ANO6: variants seen among roughly 807,000 people sequenced by gnomAD.
ANO6 encodes the protein anoctamin 6, also known as anoctamin-6.
In ANO6, 106 loss-of-function variants were observed where a neutral mutation model predicts 117.5. The ratio of observed to expected loss-of-function variants is 0.90; its 90% CI spans 0.77 to 1.06. ANO6 has a LOEUF of 1.06. ANO6 is among the 50% of genes least tolerant of loss of function. ANO6 has a pLI of 0.00. For synonymous variants in ANO6, 367 were observed against 385.1 expected, an observed-to-expected ratio of 0.95 and a Z score of 0.55; for missense variants, 955 against 1,121.1, an observed-to-expected ratio of 0.85 and a Z score of 2.12.
At chr12:45,427,050 C>T (rs1013185023) in intron 19 of ANO6, among the ~76,000 whole-genome samples, 1 of 152,032 alleles carries the variant, frequency 6.6e-6, no homozygotes, top group Non-Finnish European at 1.5e-5. Context: ...CTCCCATCCA[C>T]AGTATTTCCC....
intron 1 of ANO6, among the ~76,000 whole-genome samples, chr12:45,216,943 C>T (rs1011204324): frequency 6.6e-6 from 1 of 152,156 alleles, no homozygotes; most frequent in African/African-American, 2.4e-5. Flanking sequence ...CCTTTCCCAT[C>T]TGCGGAGCCC....
chr12:45,405,201 G>GT (rs1942900506), intron 15 of ANO6, among the ~76,000 whole-genome samples: 1 of 151,800 alleles, frequency 6.6e-6, no homozygotes, highest in African/African-American at 2.4e-5. Flanking sequence ...AAATAGTACT[G>GT]TGTTTCTAGA....
chr12:45,234,337 T>TTC (rs1189746154), intron 1 of ANO6, among the ~76,000 whole-genome samples: 1 of 151,986 alleles, frequency 6.6e-6, no homozygotes, highest in African/African-American at 2.4e-5. Flanking sequence ...GTTTGCAGAC[T>TTC]CTCCCTATGT....
intron 1 of ANO6, among the ~76,000 whole-genome samples, chr12:45,232,854 T>C (rs1947594008): frequency 1.3e-5 from 2 of 152,212 alleles, no homozygotes; most frequent in African/African-American, 4.8e-5. Flanking sequence ...CAGTTTAGCA[T>C]AATTATCTTC....
intron 1 of ANO6, among the ~76,000 whole-genome samples, chr12:45,246,197 A>T (rs1343942578): frequency 6.6e-6 from 1 of 152,186 alleles, no homozygotes. Flanking sequence ...TATAATAGGA[A>T]TGAATAAAAA....
intron 1 of ANO6, among the ~76,000 whole-genome samples, chr12:45,231,709 A>G (rs1223888387): frequency 1.3e-5 from 2 of 152,210 alleles, no homozygotes; most frequent in Non-Finnish European, 2.9e-5. Context: ...ATTTAAATTT[A>G]AATAGTACTT....
chr12:45,316,333 T>A (rs1200438079), intron 2 of ANO6, among the ~76,000 whole-genome samples: 1 of 151,982 alleles, frequency 6.6e-6, no homozygotes. Flanking sequence ...AGAAGTGACA[T>A]TTAAGGAGAA....
intron 9 of ANO6, 84 bp downstream of exon 9, chr12:45,367,877 T>G (rs1941726876): frequency 2.0e-6 from 2 of 1,010,234 alleles, no homozygotes; most frequent in Non-Finnish European, 3.1e-6. Flanking sequence ...GTATTGTATC[T>G]TTTTTCCTCT....
chr12:45,316,872 AAATAG>A (rs1940045892), intron 2 of ANO6, among the ~76,000 whole-genome samples: 1 of 150,656 alleles, frequency 6.6e-6, no homozygotes, highest in African/African-American at 2.4e-5. Context: ...TTCACACTCT[AAATAG>A]AAAAGTATCG....
In ANO6 at chr12:45,431,265, C is replaced by T. The variant is rs1331826744; in HGVS notation, c.*1954C>T. 2 of 985,268 alleles carry T rather than the reference C, an allele frequency of 2.0e-6. No homozygotes were observed. Among genetic ancestry groups the T allele is most frequent in the Admixed American group, 6.2e-5 (1 of 16,250 alleles). The allele number at this position is 985,268 out of a possible 1,614,324, so 61.0% of individuals were successfully genotyped here. A position where few individuals can be genotyped will look rare whatever the true frequency, so the allele number is the denominator to read the frequency against. On this transcript the variant is annotated 3_prime_UTR_variant, in exon 20 of 20. Coordinates refer to ENST00000320560, the MANE Select transcript of ANO6 (RefSeq NM_001025356.3). ...TCATTCGCAGCCAAGACGGGAGTGCCACTGTTCCTCTCTTCACTCCTGAGA... is the reference window on the plus strand; with the variant it reads ...TCATTCGCAGCCAAGACGGGAGTGCTACTGTTCCTCTCTTCACTCCTGAGA...
At chr12:45,401,743 A>G in intron 12 of ANO6, 52 bp from the exon 13 acceptor site, 1 of 1,429,212 alleles carries the variant, frequency 7.0e-7, no homozygotes, top group Non-Finnish European at 9.9e-7. Context: ...TTTTAATAGT[A>G]CAAGTGCAGT....
chr12:45,352,727 C>CAAAAAAAA lies in ANO6; in HGVS notation c.863+1962_863+1969dup, dbSNP rs34198115. 3.8e-3 allele frequency among the ~76,000 whole-genome samples: 453 copies of CAAAAAAAA among 118,112 alleles called. 2 individuals carry two copies. The highest frequency in any genetic ancestry group is 0.011 in the African/African-American group (365 of 32,254). 77.5% of individuals were successfully genotyped at this position (118,112 alleles called of 152,430 possible). ...GGGCAACAGAGTAAGACCCTGTCTC[C>CAAAAAAAA]AAAAAAAAAAAAAAAATTATTTAAT... On this transcript the variant is annotated intron_variant, in intron 7 of 19. Transcript: ENST00000320560.
In ANO6 at chr12:45,438,251, A is replaced by ATGTGTGTGTG. The variant is rs58453929; in HGVS notation, c.2527-1408_2527-1399dup. ...CCACATTCAGCACATATTTGCGTGT[A>ATGTGTGTGTG]TGTGTGTGTGTGTGTGTGTGTGTGT... On this transcript the variant is annotated intron_variant, in intron 19 of 19. Transcript: ENST00000425752. Among the ~76,000 whole-genome samples, 428 of 146,734 alleles carry ATGTGTGTGTG rather than the reference A, an allele frequency of 2.9e-3. 7 individuals carry two copies. The highest frequency in any genetic ancestry group is 0.019 in the East Asian group (94 of 5,074).
intron 17 of ANO6, 57 bp from the exon 18 acceptor site, chr12:45,421,014 C>T (rs529439913): frequency 3.8e-5 from 60 of 1,565,550 alleles, no homozygotes; most frequent in Admixed American, 2.5e-4. Context: ...AGCGAGACTC[C>T]GTCTCAAAAA....
chr12:45,384,301 A>T (rs1942241971), intron 10 of ANO6, among the ~76,000 whole-genome samples: 1 of 152,194 alleles, frequency 6.6e-6, no homozygotes, highest in South Asian at 2.1e-4. Context: ...CTTTCTCCGT[A>T]TCAGCAATAA....
chr12:45,352,080 A>G (rs1469349960), intron 7 of ANO6, among the ~76,000 whole-genome samples: 1 of 152,068 alleles, frequency 6.6e-6, no homozygotes, highest in African/African-American at 2.4e-5. Flanking sequence ...GTCTGGAGCC[A>G]CGTACCTGTT....
chr12:45,236,050 GAAATTAGTT>G (rs1466304039), intron 1 of ANO6, among the ~76,000 whole-genome samples: 1 of 152,220 alleles, frequency 6.6e-6, no homozygotes, highest in East Asian at 1.9e-4. Flanking sequence ...TCAGGAGAAG[GAAATTAGTT>G]ACAGGTGCAT....
At chr12:45,407,644 G>A (rs1399242065) in intron 15 of ANO6, among the ~76,000 whole-genome samples, 1 of 152,082 alleles carries the variant, frequency 6.6e-6, no homozygotes, top group African/African-American at 2.4e-5. Context: ...CTGGATAACT[G>A]AGCCAAGAGT....
chr12:45,224,956 C>A (rs572229613), intron 1 of ANO6, among the ~76,000 whole-genome samples: 1 of 152,084 alleles, frequency 6.6e-6, no homozygotes, highest in African/African-American at 2.4e-5. Flanking sequence ...TTTGGGAGGC[C>A]AAGGTGGGAA....
Sources: gnomAD v4.1 joint callset for allele counts (sites outside exome capture counted in the v4.1 genomes callset) on GRCh38, gnomAD v4.1.1 for gene constraint, MANE v1.5 for transcripts, NCBI Gene and HGNC (gene_info 2026-07-23, HGNC 2026-07-21) for gene names.